The following LHX8 variants were observed in gnomAD, a reference collection of about 807,000 sequenced individuals.
LHX8 encodes the protein LIM/homeobox protein Lhx8.
In LHX8, 12 loss-of-function variants were observed where a neutral mutation model predicts 40.3. The observed-to-expected ratio is 0.30, with a 90% CI of 0.19 to 0.48. The LOEUF (loss-of-function observed/expected upper bound fraction) is 0.48, where lower values mean the gene tolerates loss of function less well. Among genes scored for constraint, LHX8 ranks in the 20% least tolerant of loss-of-function variants. The probability of loss-of-function intolerance (pLI) is 0.99; values close to 1 mark genes in which losing one functional copy is unlikely to be tolerated. For missense variants in LHX8, 344 were observed against 433.7 expected, an observed-to-expected ratio of 0.79 and a Z score of 1.84; for synonymous variants, 179 against 162.0, an observed-to-expected ratio of 1.10 and a Z score of -0.80.
the LHX8 span, among the ~76,000 whole-genome samples, chr1:75,198,426 C>T: frequency 4.6e-5 from 7 of 152,114 alleles, no homozygotes; most frequent in Non-Finnish European, 1.0e-4. Context: ...ACTCTAGGTA[C>T]CAGTCCTCAA....
At chr1:75,185,296 C>T in the LHX8 span, among the ~76,000 whole-genome samples, 1 of 151,866 alleles carries the variant, frequency 6.6e-6, no homozygotes, top group Non-Finnish European at 1.5e-5. Flanking sequence ...AGAGACACAA[C>T]AGAAAAAGAA....
upstream of LHX8, chr1:75,130,905 G>A (rs1432766210): frequency 1.4e-6 from 1 of 702,228 alleles, no homozygotes; most frequent in East Asian, 2.7e-5. Flanking sequence ...CACCTTCAGG[G>A]ATCGAAGGAG....
At chr1:75,182,481 C>T in the LHX8 span, among the ~76,000 whole-genome samples, 1 of 147,440 alleles carries the variant, frequency 6.8e-6, no homozygotes, top group South Asian at 2.2e-4. Flanking sequence ...TCAAGCAATT[C>T]TCCTGCCTCA....
chr1:75,160,124 G>T (rs1330488822), intron 8 of LHX8: 1 of 151,972 alleles, frequency 6.6e-6, no homozygotes, highest in Non-Finnish European at 1.5e-5. Context: ...GGGAGGAAAA[G>T]CATCCTCATT....
intron 4 of LHX8, 40 bp from the exon 5 acceptor site, chr1:75,143,078 G>A (rs759144207): frequency 2.0e-6 from 3 of 1,470,148 alleles, no homozygotes; most frequent in Admixed American, 1.7e-5. Flanking sequence ...ATCTCACCAG[G>A]CATTAAAATA....
upstream of LHX8, chr1:75,131,353 T>C (rs972664418): frequency 1.9e-5 from 3 of 158,580 alleles, no homozygotes; most frequent in African/African-American, 7.2e-5. Flanking sequence ...AAGGGTTCAA[T>C]AGTCAAGTTG....
At chr1:75,180,358 G>T in the LHX8 span, among the ~76,000 whole-genome samples, 1 of 152,100 alleles carries the variant, frequency 6.6e-6, no homozygotes, top group African/African-American at 2.4e-5. Flanking sequence ...TTTTCACATA[G>T]TCCCATATTT....
At chr1:75,154,210 T>C (rs1648692263) in intron 7 of LHX8, among the ~76,000 whole-genome samples, 1 of 152,176 alleles carries the variant, frequency 6.6e-6, no homozygotes, top group East Asian at 1.9e-4. Context: ...AGAAGGAATT[T>C]CCTGATGTCT....
At chr1:75,158,027 C>A (rs1648816559) in intron 8 of LHX8, among the ~76,000 whole-genome samples, 1 of 152,176 alleles carries the variant, frequency 6.6e-6, no homozygotes. Context: ...CCTTGACCAG[C>A]AGCAAGGTTC....
chr1:75,164,726 C>CTT (rs201120196), downstream of LHX8, among the ~76,000 whole-genome samples: 25 of 135,306 alleles, frequency 1.8e-4, no homozygotes, highest in East Asian at 2.6e-3. Flanking sequence ...AACCAGTATC[C>CTT]TTTTTTTTTT....
At chr1:75,130,338 A>C (rs935477211), upstream of LHX8, 9 of 340,648 alleles carry the variant, frequency 2.6e-5, no homozygotes, top group Non-Finnish European at 5.0e-5. Context: ...TGGTCGCAGA[A>C]CTTGGCTTTC....
chr1:75,148,374 T>C (rs1179992757), intron 6 of LHX8, among the ~76,000 whole-genome samples: 2 of 152,186 alleles, frequency 1.3e-5, no homozygotes, highest in African/African-American at 4.8e-5. Flanking sequence ...TACATTGAAA[T>C]GGATTTTTTT....
At chr1:75,183,401 G>T in the LHX8 span, among the ~76,000 whole-genome samples, 3 of 151,996 alleles carry the variant, frequency 2.0e-5, no homozygotes, top group African/African-American at 7.3e-5. Flanking sequence ...ACCTACAAAG[G>T]GAACCTCATC....
chr1:75,136,475 G>A (rs948112942), intron 1 of LHX8, 128 bp from the exon 2 acceptor site: 3 of 638,258 alleles, frequency 4.7e-6, no homozygotes, highest in Non-Finnish European at 7.8e-6. Flanking sequence ...GCGCCGTGAC[G>A]GCTGCACGCG....
At chr1:75,154,572 A>G (rs968921421) in intron 7 of LHX8, among the ~76,000 whole-genome samples, 9 of 152,112 alleles carry the variant, frequency 5.9e-5, no homozygotes, top group Admixed American at 4.6e-4. Context: ...CCATAAGGGA[A>G]AAAGGCCGGT....
the LHX8 span, among the ~76,000 whole-genome samples, chr1:75,193,173 A>G: frequency 6.6e-6 from 1 of 152,280 alleles, no homozygotes; most frequent in South Asian, 2.1e-4. Flanking sequence ...TCATCCCATG[A>G]GCCCAACCTG....
chr1:75,170,903 A>G, the LHX8 span, among the ~76,000 whole-genome samples: 2 of 152,176 alleles, frequency 1.3e-5, no homozygotes, highest in South Asian at 4.1e-4. Context: ...AAAGTACACT[A>G]TATTTACTCT....
At chr1:75,187,223 T>C in the LHX8 span, among the ~76,000 whole-genome samples, 1 of 152,182 alleles carries the variant, frequency 6.6e-6, no homozygotes, top group Non-Finnish European at 1.5e-5. Flanking sequence ...CCCAAAGCAC[T>C]GCCATAAAAT....
chr1:75,165,406 A>G (rs569852002), downstream of LHX8, among the ~76,000 whole-genome samples: 131 of 152,288 alleles, frequency 8.6e-4, 2 homozygotes, highest in South Asian at 0.026. Context: ...CTTGAGTTTC[A>G]TAAGAAATAG....
Sources: gnomAD v4.1 joint callset for allele counts (sites outside exome capture counted in the v4.1 genomes callset) on GRCh38, gnomAD v4.1.1 for gene constraint, MANE v1.5 for transcripts, NCBI Gene and HGNC (gene_info 2026-07-23, HGNC 2026-07-21) for gene names.